Variants in METAP1D observed in about 807,000 individuals in gnomAD.
METAP1D encodes the protein methionine aminopeptidase 1D, mitochondrial.
In METAP1D, 31 loss-of-function variants were observed where a neutral mutation model predicts 40.5. The observed-to-expected ratio is 0.77, with a 90% CI of 0.58 to 1.03. METAP1D has a LOEUF of 1.03. Among genes scored for constraint, METAP1D ranks in the 50% least tolerant of loss-of-function variants. The pLI is 0.00. For missense variants in METAP1D, 411 were observed against 420.7 expected, an observed-to-expected ratio of 0.98 and a Z score of 0.20; for synonymous variants, 151 against 146.4, an observed-to-expected ratio of 1.03 and a Z score of -0.22.
intron 1 of METAP1D, among the ~76,000 whole-genome samples, chr2:172,038,631 T>C (rs1479188875): frequency 3.9e-5 from 6 of 152,198 alleles, no homozygotes; most frequent in African/African-American, 1.4e-4. Flanking sequence ...TCCTAAAACA[T>C]TGAAATATAT....
rs189364875 is a variant in METAP1D, at chr2:172,071,104, G to A, written c.704+34G>A. 3.2e-6 allele frequency: 5 copies of A among 1,564,298 alleles called. No individual in the cohort carries two copies. The African/African-American group carries it at 4.1e-5, about 13-fold the overall frequency. On this transcript the variant is annotated intron_variant, in intron 6 of 9. Transcript: ENST00000315796. ...TACATTGACAAGTAAAGGGAGGGTT[G>A]GCAAATGGTACAAAGGTTATTGGTG...
In METAP1D at chr2:172,036,089, G is replaced by A. The variant is rs552341674; in HGVS notation, c.41-25409G>A. On this transcript the variant is annotated intron_variant, in intron 1 of 9. Coordinates refer to ENST00000315796, the MANE Select transcript of METAP1D (RefSeq NM_199227.3). ...TGCCAGCACTTTGGGAGGCCAAGGT[G>A]GGCGGATCACTAGGTCAGGAGATCA... Among the ~76,000 whole-genome samples, 20 of 152,060 alleles carry A rather than the reference G, an allele frequency of 1.3e-4. No individual in the cohort carries two copies. The South Asian group carries it at 1.5e-3, about 11-fold the overall frequency.
chr2:172,045,731 GTATATATA>G (rs201826659), intron 1 of METAP1D, among the ~76,000 whole-genome samples: 8 of 54,862 alleles, frequency 1.5e-4, no homozygotes, highest in African/African-American at 2.3e-4. Context: ...GTGTGTGTGT[GTATATATA>G]TGTGTATATA....
intron 1 of METAP1D, among the ~76,000 whole-genome samples, chr2:172,035,675 G>C (rs1031562682): frequency 6.6e-6 from 1 of 151,816 alleles, no homozygotes; most frequent in Non-Finnish European, 1.5e-5. Context: ...TTTGAGACAG[G>C]GTCTTCTTTG....
At chr2:172,062,611 A>G (rs755940646) in intron 2 of METAP1D, among the ~76,000 whole-genome samples, 1 of 152,188 alleles carries the variant, frequency 6.6e-6, no homozygotes, top group Non-Finnish European at 1.5e-5. Flanking sequence ...AGACAAGAAC[A>G]CAGGCTCTTT....
At chr2:172,015,421 A>G (rs1355160876) in intron 1 of METAP1D, among the ~76,000 whole-genome samples, 1 of 152,152 alleles carries the variant, frequency 6.6e-6, no homozygotes, top group African/African-American at 2.4e-5. Flanking sequence ...AAAAAAAGAA[A>G]GAAAATAATT....
intron 3 of METAP1D, among the ~76,000 whole-genome samples, chr2:172,065,000 T>C (rs1690217760): frequency 6.6e-6 from 1 of 152,214 alleles, no homozygotes; most frequent in African/African-American, 2.4e-5. Context: ...GGAATACCTT[T>C]AGTAAGGAAA....
At chr2:172,021,287 G>A (rs1276276489) in intron 1 of METAP1D, among the ~76,000 whole-genome samples, 1 of 152,156 alleles carries the variant, frequency 6.6e-6, no homozygotes, top group Non-Finnish European at 1.5e-5. Flanking sequence ...TAACCTCTCT[G>A]GGGTGCTTAG....
chr2:172,023,843 T>C (rs1340256076), intron 1 of METAP1D, among the ~76,000 whole-genome samples: 1 of 145,964 alleles, frequency 6.9e-6, no homozygotes, highest in Non-Finnish European at 1.5e-5. Flanking sequence ...AGTGTGAGTG[T>C]TCACTGTAAA....
chr2:172,015,697 C>G (rs576749861), intron 1 of METAP1D, among the ~76,000 whole-genome samples: 45 of 152,212 alleles, frequency 3.0e-4, no homozygotes, highest in Middle Eastern at 6.8e-3. Flanking sequence ...TGGTGGCTCA[C>G]ACTTGTAATC....
At position 172,041,726 on chromosome 2, in the gene METAP1D, TTATATATATATATATATA is replaced by T. The variant is rs67708838; in HGVS notation, c.41-19748_41-19731del. On this transcript the variant is annotated intron_variant, in intron 1 of 9. Coordinates refer to ENST00000315796, the MANE Select transcript of METAP1D (RefSeq NM_199227.3). Reference sequence around the variant, plus strand: ...TTTTAATTTCCTTACTCTAATTATTTTATATATATATATATATATATATATATATATATATATATATTT... The same window carrying T: ...TTTTAATTTCCTTACTCTAATTATTTTATATATATATATATATATATATTT... 2.0e-3 allele frequency among the ~76,000 whole-genome samples: 76 copies of T among 37,570 alleles called. 12 individuals carry two copies. In the Middle Eastern group the frequency reaches 0.086, roughly 43 times the overall value. The allele number at this position is 37,570 out of a possible 152,430, so 24.6% of individuals were successfully genotyped here.
intron 1 of METAP1D, among the ~76,000 whole-genome samples, chr2:172,030,265 T>A (rs539366465): frequency 2.3e-4 from 35 of 152,056 alleles, no homozygotes; most frequent in African/African-American, 6.7e-4. Context: ...AATTTTTTTT[T>A]ATTTTTATTA....
intron 1 of METAP1D, among the ~76,000 whole-genome samples, chr2:172,043,022 T>TATACAC (rs1478749345): frequency 1.3e-5 from 1 of 78,386 alleles, no homozygotes; most frequent in Non-Finnish European, 3.7e-5. Context: ...TGTGTACACA[T>TATACAC]ATATGTGTAT....
chr2:172,005,977 A>T (rs1688570495), intron 1 of METAP1D, among the ~76,000 whole-genome samples: 1 of 148,034 alleles, frequency 6.8e-6, no homozygotes, highest in Non-Finnish European at 1.5e-5. Context: ...TGCAGTCATT[A>T]AAAAAAAATA....
chr2:172,027,150 A>C (rs147396156), intron 1 of METAP1D, among the ~76,000 whole-genome samples: 10 of 152,330 alleles, frequency 6.6e-5, no homozygotes, highest in Admixed American at 4.6e-4. Context: ...AGGGTAGATG[A>C]TAAATACTAG....
intron 1 of METAP1D, among the ~76,000 whole-genome samples, chr2:172,018,432 A>C (rs1274609354): frequency 1.3e-5 from 2 of 152,182 alleles, no homozygotes; most frequent in African/African-American, 4.8e-5. Context: ...TAGAGAAAGC[A>C]AGAATTCCCA....
intron 1 of METAP1D, among the ~76,000 whole-genome samples, chr2:172,004,415 C>G (rs925084552): frequency 2.3e-4 from 35 of 152,050 alleles, no homozygotes; most frequent in African/African-American, 8.4e-4. Context: ...CCTCTGCCAC[C>G]CAAATTCAAG....
Position 172,063,722 on chromosome 2 carries a change from GC to G in METAP1D, c.212del (p.Pro71GlnfsTer4), listed in dbSNP as rs1690186015. On this transcript the variant is annotated frameshift_variant, in exon 3 of 10. Transcript: ENST00000315796. LOFTEE classifies it high-confidence loss of function. The stretch of plus-strand genomic sequence containing the variant: ...CCTTTTTCCTCAAGCACATAAAGAA[GC>G]CAGACTATGTGACGACAGGCATTGT... ...AHPVPKHIKK[P>X]DYVTTGIVPD... The G allele has an allele frequency of 1.2e-6, 2 of 1,613,440 alleles. No individual in the cohort carries two copies. Among genetic ancestry groups the G allele is most frequent in the Non-Finnish European group, 1.7e-6 (2 of 1,179,560 alleles).
chr2:172,036,390 CTT>C (rs1395368583), intron 1 of METAP1D, among the ~76,000 whole-genome samples: 9 of 139,562 alleles, frequency 6.4e-5, no homozygotes, highest in African/African-American at 7.9e-5. Context: ...CCACCTTTTT[CTT>C]TTTTTTTTTG....
Sources: allele counts gnomAD v4.1 joint callset (sites outside exome capture counted in the v4.1 genomes callset), GRCh38; gene constraint gnomAD v4.1.1; transcripts MANE v1.5; gene names NCBI Gene and HGNC (gene_info 2026-07-23, HGNC 2026-07-21).